The following CABLES1 variants were observed in gnomAD, a reference collection of about 807,000 sequenced individuals.
CABLES1 encodes the protein CDK5 and ABL1 enzyme substrate 1.
In CABLES1, 36 loss-of-function variants were observed where a neutral mutation model predicts 57.8. The observed-to-expected ratio is 0.62, with a 90% CI of 0.48 to 0.82. CABLES1 has a LOEUF of 0.82. Ranked by LOEUF, CABLES1 falls within the 40% of genes least tolerant of loss-of-function variation. CABLES1 has a pLI of 0.00. For synonymous variants in CABLES1, 374 were observed against 363.0 expected, an observed-to-expected ratio of 1.03 and a Z score of -0.35; for missense variants, 767 against 836.6, an observed-to-expected ratio of 0.92 and a Z score of 1.03.
chr18:23,256,135 G>GCAGTCAACATCT (rs1337172635), intron 9 of CABLES1, among the ~76,000 whole-genome samples: 30 of 152,244 alleles, frequency 2.0e-4, no homozygotes, highest in Admixed American at 6.5e-4. Context: ...TGATCTGAAA[G>GCAGTCAACATCT]CAGTCAACAT....
At chr18:23,160,073 T>C (rs1476749149) in intron 1 of CABLES1, among the ~76,000 whole-genome samples, 4 of 151,644 alleles carry the variant, frequency 2.6e-5, no homozygotes, top group Admixed American at 1.3e-4. Flanking sequence ...AGTTTCACTC[T>C]GTCACCCAGG....
At chr18:23,139,403 CAAAAAA>C (rs61297552) in intron 1 of CABLES1, among the ~76,000 whole-genome samples, 5 of 111,146 alleles carry the variant, frequency 4.5e-5, no homozygotes, top group Admixed American at 3.0e-4. Flanking sequence ...AACTCCATCT[CAAAAAA>C]AAAAAAAAAA....
intron 4 of CABLES1, among the ~76,000 whole-genome samples, chr18:23,230,484 C>G (rs2047559659): frequency 6.6e-6 from 1 of 152,172 alleles, no homozygotes; most frequent in South Asian, 2.1e-4. Flanking sequence ...GCTCTTAATT[C>G]CAGGCCAGCA....
chr18:23,230,259 C>T (rs796510129), intron 4 of CABLES1, among the ~76,000 whole-genome samples: 8 of 152,252 alleles, frequency 5.3e-5, no homozygotes, highest in African/African-American at 1.9e-4. Context: ...GTAGTCCCAG[C>T]TACTCGGGAG....
chr18:23,252,186 G>A (rs950938568), intron 7 of CABLES1, among the ~76,000 whole-genome samples: 4 of 152,166 alleles, frequency 2.6e-5, no homozygotes, highest in African/African-American at 7.2e-5. Flanking sequence ...GAGACATAAA[G>A]TGGAGTAGTG....
intron 7 of CABLES1, among the ~76,000 whole-genome samples, chr18:23,248,906 T>G: frequency 6.6e-6 from 1 of 152,236 alleles, no homozygotes; most frequent in East Asian, 1.9e-4. Context: ...TAACCTAAGT[T>G]GGCATTTCAG....
chr18:23,183,982 G>A (rs1246463626), intron 1 of CABLES1, among the ~76,000 whole-genome samples: 3 of 152,076 alleles, frequency 2.0e-5, no homozygotes, highest in African/African-American at 7.2e-5. Flanking sequence ...TGTGGGGGTG[G>A]GGCAGAGATG....
chr18:23,159,148 A>G (rs981900596), intron 1 of CABLES1, among the ~76,000 whole-genome samples: 2 of 152,162 alleles, frequency 1.3e-5, no homozygotes, highest in African/African-American at 4.8e-5. Context: ...TATTTCTAGT[A>G]GAGAAAGGGT....
rs573902033 is a variant in CABLES1, at chr18:23,258,197, G to C, written c.*830G>C. The C allele has an allele frequency of 1.3e-5, 2 of 152,510 alleles. No individual in the cohort carries two copies. Among genetic ancestry groups the C allele is most frequent in the Non-Finnish European group, 2.9e-5 (2 of 68,054 alleles). The allele number at this position is 152,510 out of a possible 1,614,324, so 9.4% of individuals were successfully genotyped here. On this transcript the variant is annotated 3_prime_UTR_variant, in exon 10 of 10. Transcript: ENST00000256925. ...GTAACTTCCTGCCGTCTGCCACCCC[G>C]CCACGTGTATTTAACCCTCGCACTT...
At position 23,211,687 on chromosome 18, in the gene CABLES1, A is replaced by G. The variant is rs559897562; in HGVS notation, c.1011-2290A>G. Among the ~76,000 whole-genome samples the G allele has an allele frequency of 2.0e-5, 3 of 152,384 alleles. No individual in the cohort carries two copies. In the South Asian group the frequency reaches 6.2e-4, roughly 32 times the overall value. On this transcript the variant is annotated intron_variant, in intron 3 of 9. Transcript: ENST00000256925. ...AGCATTCGTAGTGGTAAAGAGCTCA[A>G]GTTCCAATCTCCACCCTGCCCCACC...
chr18:23,228,631 C>CT (rs2047544683), intron 4 of CABLES1, among the ~76,000 whole-genome samples: 1 of 151,808 alleles, frequency 6.6e-6, no homozygotes, highest in South Asian at 2.1e-4. Context: ...CCCAAATGTG[C>CT]TTTTACCTCC....
At chr18:23,147,342 A>G (rs767964867) in intron 1 of CABLES1, among the ~76,000 whole-genome samples, 1 of 152,242 alleles carries the variant, frequency 6.6e-6, no homozygotes, top group Non-Finnish European at 1.5e-5. Context: ...ACCACTCTGA[A>G]CCTCACGTTC....
intron 7 of CABLES1, among the ~76,000 whole-genome samples, chr18:23,239,004 G>A (rs1021210341): frequency 2.6e-5 from 4 of 152,244 alleles, no homozygotes; most frequent in Admixed American, 1.3e-4. Flanking sequence ...TAACAGACAC[G>A]TGCCTGGTGA....
chr18:23,174,273 A>G (rs2047104597), intron 1 of CABLES1, among the ~76,000 whole-genome samples: 1 of 152,216 alleles, frequency 6.6e-6, no homozygotes, highest in Non-Finnish European at 1.5e-5. Flanking sequence ...ATGTTGTAGC[A>G]TGTATCAGTA....
intron 4 of CABLES1, among the ~76,000 whole-genome samples, chr18:23,217,090 G>A (rs150536985): frequency 0.012 from 1,873 of 152,072 alleles, 12 homozygotes; most frequent in Middle Eastern, 0.024. Flanking sequence ...TTTTGTTTTT[G>A]TTTGTTTTTG....
chr18:23,178,892 C>T (rs2047143964), intron 1 of CABLES1, among the ~76,000 whole-genome samples: 1 of 152,140 alleles, frequency 6.6e-6, no homozygotes, highest in Non-Finnish European at 1.5e-5. Context: ...TAGAAACAGA[C>T]CTTATTTGAA....
Position 23,250,429 on chromosome 18 carries a change from G to A in CABLES1, c.1447-2531G>A, listed in dbSNP as rs898812071. ...CTGATGGGCCCTCCCAGCTTGAGGC[G>A]AGCATGTTAGATGTGGCCCCCATTC... On this transcript the variant is annotated intron_variant, in intron 7 of 9. Coordinates refer to ENST00000256925, the MANE Select transcript of CABLES1 (RefSeq NM_001100619.3). 4.6e-5 allele frequency among the ~76,000 whole-genome samples: 7 copies of A among 152,192 alleles called. No homozygotes were observed. The East Asian group carries it at 9.6e-4, about 21-fold the overall frequency.
intron 3 of CABLES1, chr18:23,196,784 G>A (rs749051496): frequency 6.6e-6 from 1 of 152,190 alleles, no homozygotes; most frequent in African/African-American, 2.4e-5. Flanking sequence ...GTTCCCCAAG[G>A]CCCCTGCAGG....
At chr18:23,194,010 C>T (rs1350992339) in intron 2 of CABLES1, among the ~76,000 whole-genome samples, 3 of 152,132 alleles carry the variant, frequency 2.0e-5, no homozygotes, top group Admixed American at 6.6e-5. Context: ...AATCTTGTTG[C>T]AGAAGAAAAA....
Sources: gnomAD v4.1 joint callset for allele counts (sites outside exome capture counted in the v4.1 genomes callset) on GRCh38, gnomAD v4.1.1 for gene constraint, MANE v1.5 for transcripts, NCBI Gene and HGNC (gene_info 2026-07-23, HGNC 2026-07-21) for gene names.